Variants in MACROD2 observed in about 807,000 individuals in gnomAD.
MACROD2 encodes mono-ADP ribosylhydrolase 2, also known as ADP-ribose glycohydrolase MACROD2.
In MACROD2, 36 loss-of-function variants were observed where a neutral mutation model predicts 70.4. That is an observed-to-expected ratio of 0.51 (90% CI 0.39 to 0.68). The LOEUF (loss-of-function observed/expected upper bound fraction) is 0.68, where lower values mean the gene tolerates loss of function less well. Among genes scored for constraint, MACROD2 ranks in the 30% least tolerant of loss-of-function variants. The pLI is 0.00. For synonymous variants in MACROD2, 172 were observed against 178.8 expected, an observed-to-expected ratio of 0.96 and a Z score of 0.30; for missense variants, 496 against 538.4, an observed-to-expected ratio of 0.92 and a Z score of 0.78.
chr20:14,027,847 C>T (rs1360300340), intron 2 of MACROD2, among the ~76,000 whole-genome samples: 6 of 152,180 alleles, frequency 3.9e-5, no homozygotes, highest in African/African-American at 9.6e-5. Flanking sequence ...AGGTGTCTGT[C>T]GACCCCGGCT....
chr20:14,691,072 A>G (rs1051495397), intron 5 of MACROD2, among the ~76,000 whole-genome samples: 64 of 152,024 alleles, frequency 4.2e-4, no homozygotes, highest in Non-Finnish European at 1.0e-4. Flanking sequence ...CATGCGCCAC[A>G]ACACCCAGCT....
At chr20:14,149,173 A>T (rs2054981559) in intron 3 of MACROD2, among the ~76,000 whole-genome samples, 2 of 144,908 alleles carry the variant, frequency 1.4e-5, no homozygotes, top group African/African-American at 2.5e-5. Context: ...TGCCATCTTT[A>T]TATCTATAAG....
rs1353736057 is a variant in MACROD2 at position 15,390,024 on chromosome 20, G to T, written c.541-41381G>T. Among the ~76,000 whole-genome samples the T allele has an allele frequency of 2.0e-5, 3 of 152,166 alleles. 1 individual carries two copies. The highest frequency in any genetic ancestry group is 2.0e-4 in the Admixed American group (3 of 15,282). ...GGAAGATAAAATAATGATTCTCATG[G>T]TAAAGGGGAAAAGAGAGAGAGACAA... On this transcript the variant is annotated intron_variant, in intron 6 of 17. Coordinates refer to ENST00000684519, the MANE Select transcript of MACROD2 (RefSeq NM_001351661.2).
intron 8 of MACROD2, among the ~76,000 whole-genome samples, chr20:15,655,095 G>A (rs2049707474): frequency 6.6e-6 from 1 of 151,898 alleles, no homozygotes; most frequent in African/African-American, 2.4e-5. Flanking sequence ...AATCACACTT[G>A]AAAAATACAA....
intron 8 of MACROD2, among the ~76,000 whole-genome samples, chr20:15,711,367 G>A (rs954194432): frequency 6.6e-6 from 1 of 152,232 alleles, no homozygotes; most frequent in African/African-American, 2.4e-5. Context: ...TTGTGCAGGT[G>A]TAAGTCTCTG....
At chr20:14,234,294 A>G (rs1197537913) in intron 3 of MACROD2, among the ~76,000 whole-genome samples, 2 of 152,212 alleles carry the variant, frequency 1.3e-5, no homozygotes, top group East Asian at 1.9e-4. Flanking sequence ...TTGATTGTTC[A>G]TATATCCTTT....
chr20:16,003,631 A>G (rs2066745981), intron 15 of MACROD2, among the ~76,000 whole-genome samples: 2 of 152,050 alleles, frequency 1.3e-5, no homozygotes, highest in South Asian at 4.1e-4. Context: ...CTATCCCTCA[A>G]GTTTCTGGTT....
intron 3 of MACROD2, among the ~76,000 whole-genome samples, chr20:14,437,291 A>G (rs1049134192): frequency 3.9e-5 from 6 of 152,042 alleles, no homozygotes; most frequent in African/African-American, 1.4e-4. Context: ...ACAATTCACT[A>G]TGTTTTAAAA....
intron 5 of MACROD2, among the ~76,000 whole-genome samples, chr20:15,089,775 T>C (rs1273309835): frequency 6.6e-6 from 1 of 152,026 alleles, no homozygotes; most frequent in Non-Finnish European, 1.5e-5. Flanking sequence ...TTTCTTATTT[T>C]TTTCAAGAGG....
At chr20:15,202,770 A>G (rs546069923) in intron 5 of MACROD2, among the ~76,000 whole-genome samples, 3 of 152,150 alleles carry the variant, frequency 2.0e-5, no homozygotes, top group Non-Finnish European at 4.4e-5. Context: ...ATGACCCAAG[A>G]TGGCTGCTGG....
intron 8 of MACROD2, among the ~76,000 whole-genome samples, chr20:15,640,476 C>T (rs2049443038): frequency 6.6e-6 from 1 of 152,158 alleles, no homozygotes. Context: ...GTGTCTCCAG[C>T]CCTGTGCACA....
At chr20:14,491,143 C>T (rs969137937) in intron 3 of MACROD2, among the ~76,000 whole-genome samples, 6 of 152,120 alleles carry the variant, frequency 3.9e-5, no homozygotes, top group African/African-American at 1.2e-4. Context: ...TGTTGGATAA[C>T]CAGTTATTGG....
intron 6 of MACROD2, among the ~76,000 whole-genome samples, chr20:15,236,297 G>T (rs559779453): frequency 6.6e-6 from 1 of 152,282 alleles, no homozygotes; most frequent in East Asian, 1.9e-4. Flanking sequence ...AGGCAGCAGA[G>T]TCGAGGAGGA....
intron 8 of MACROD2, among the ~76,000 whole-genome samples, chr20:15,681,220 A>G (rs1040083559): frequency 1.3e-5 from 2 of 152,234 alleles, no homozygotes; most frequent in Middle Eastern, 3.2e-3. Flanking sequence ...AAGATGGCTC[A>G]TGTAAACTCT....
intron 5 of MACROD2, among the ~76,000 whole-genome samples, chr20:15,204,598 T>G (rs542943630): frequency 6.6e-6 from 1 of 152,272 alleles, no homozygotes; most frequent in East Asian, 1.9e-4. Context: ...CTGAAACTAA[T>G]TTTAAAATGC....
chr20:15,367,053 A>T (rs1170786923), intron 6 of MACROD2, among the ~76,000 whole-genome samples: 1 of 130,814 alleles, frequency 7.6e-6, no homozygotes, highest in African/African-American at 3.0e-5. Context: ...TTTGAGAGGG[A>T]GTCTCACTCT....
At chr20:14,835,674 G>A (rs1043653289) in intron 5 of MACROD2, among the ~76,000 whole-genome samples, 2 of 152,002 alleles carry the variant, frequency 1.3e-5, no homozygotes, top group Admixed American at 1.3e-4. Flanking sequence ...CTCAGATACT[G>A]GACCAGAGCA....
chr20:15,965,217 C>T (rs920956593), intron 12 of MACROD2, among the ~76,000 whole-genome samples: 1 of 152,142 alleles, frequency 6.6e-6, no homozygotes, highest in African/African-American at 2.4e-5. Flanking sequence ...TATGTAGAAA[C>T]ATATCAGAAG....
chr20:14,836,932 G>A (rs1466799319), intron 5 of MACROD2, among the ~76,000 whole-genome samples: 2 of 151,944 alleles, frequency 1.3e-5, no homozygotes, highest in Non-Finnish European at 2.9e-5. Context: ...AAATAATGAA[G>A]GTAGTTTGTA....
Sources: allele counts gnomAD v4.1 joint callset (sites outside exome capture counted in the v4.1 genomes callset), GRCh38; gene constraint gnomAD v4.1.1; transcripts MANE v1.5; gene names NCBI Gene and HGNC (gene_info 2026-07-23, HGNC 2026-07-21).